The following RDH12 variants were observed in gnomAD, a reference collection of about 807,000 sequenced individuals.
RDH12 encodes retinol dehydrogenase 12.
Under a neutral mutation model 34.0 loss-of-function variants are expected in RDH12, and 21 were observed. The ratio of observed to expected loss-of-function variants is 0.62; its 90% CI spans 0.44 to 0.89. The LOEUF (loss-of-function observed/expected upper bound fraction) is 0.89. Among genes scored for constraint, RDH12 ranks in the 40% least tolerant of loss-of-function variants. The probability of loss-of-function intolerance (pLI) is 0.00; values close to 1 mark genes in which losing one functional copy is unlikely to be tolerated. For missense variants in RDH12, 394 were observed against 398.6 expected, an observed-to-expected ratio of 0.99 and a Z score of 0.10; for synonymous variants, 198 against 169.9, an observed-to-expected ratio of 1.17 and a Z score of -1.29.
chr14:67,724,331 G>T (rs1353600573), intron 3 of RDH12, 142 bp from the exon 4 acceptor site: 12 of 722,428 alleles, frequency 1.7e-5, no homozygotes, highest in African/African-American at 3.6e-5. Context: ...TCCTATGAAG[G>T]TTAGCTTTTA....
intron 3 of RDH12, 116 bp downstream of exon 3, chr14:67,722,826 C>T (rs2038140848): frequency 3.4e-6 from 3 of 877,024 alleles, no homozygotes; most frequent in Non-Finnish European, 3.9e-6. Flanking sequence ...AAAGTCAGGG[C>T]AGGAAAAGCA....
In RDH12 at chr14:67,727,492, T is replaced by G. The variant is rs118096148; in HGVS notation, c.658+302T>G. The G allele has an allele frequency of 3.2e-3, 1,137 of 357,034 alleles. 10 individuals carry two copies. Among genetic ancestry groups the G allele is most frequent in the East Asian group, 0.019 (265 of 13,720 alleles). The allele number at this position is 357,034 out of a possible 1,614,324, so 22.1% of individuals were successfully genotyped here. ...AGGCTTTTTGTTTTTTTTGTTTTTT[T>G]TTTTTTGAGACTTGAGTTTCGCTCT... On this transcript the variant is annotated intron_variant, in intron 7 of 8. Coordinates refer to ENST00000551171, the MANE Select transcript of RDH12 (RefSeq NM_152443.3).
chr14:67,728,664 T>C (rs1278803802), intron 7 of RDH12, among the ~76,000 whole-genome samples: 1 of 149,642 alleles, frequency 6.7e-6, no homozygotes, highest in Non-Finnish European at 1.5e-5. Flanking sequence ...TGGCACATAA[T>C]TGGTACTGAA....
chr14:67,712,493 CAAAA>C (rs79758974), intron 1 of RDH12, among the ~76,000 whole-genome samples: 6 of 38,948 alleles, frequency 1.5e-4, no homozygotes, highest in African/African-American at 2.1e-4. Context: ...AAAAAACTTG[CAAAA>C]AAAAAAAAAA....
intron 8 of RDH12, among the ~76,000 whole-genome samples, chr14:67,730,267 A>T (rs1241484644): frequency 6.6e-6 from 1 of 152,156 alleles, no homozygotes; most frequent in Non-Finnish European, 1.5e-5. Flanking sequence ...CGCCCTGGCA[A>T]TCTGGCTCTA....
rs2038163144 is a variant in RDH12, at chr14:67,724,536, C to CA, written c.133dup (p.Thr45AsnfsTer17). Reference sequence around the variant, plus strand: ...AGCTTCCTGGCAAGGTAGTGGTGATCACTGGCGCCAACACGGGCATTGGCA... The same window carrying CA: ...AGCTTCCTGGCAAGGTAGTGGTGATCAACTGGCGCCAACACGGGCATTGGCA... On this transcript the variant is annotated frameshift_variant, in exon 4 of 9. Transcript: ENST00000551171. LOFTEE classifies it high-confidence loss of function. 1.2e-6 allele frequency: 2 copies of CA among 1,613,670 alleles called. No homozygotes were observed. Among genetic ancestry groups the CA allele is most frequent in the Non-Finnish European group, 1.7e-6 (2 of 1,179,892 alleles).
chr14:67,712,267 C>A (rs1245951517), intron 1 of RDH12, among the ~76,000 whole-genome samples: 1 of 152,118 alleles, frequency 6.6e-6, no homozygotes, highest in East Asian at 1.9e-4. Context: ...GGGAGGAGCC[C>A]ACACTGAATC....
At chr14:67,732,710 G>T (rs1253642528) in intron 8 of RDH12, among the ~76,000 whole-genome samples, 1 of 152,092 alleles carries the variant, frequency 6.6e-6, no homozygotes, top group Non-Finnish European at 1.5e-5. Flanking sequence ...CCAAGTAGCT[G>T]GGATTACGGG....
chr14:67,710,173 T>C (rs1027530590), intron 1 of RDH12, among the ~76,000 whole-genome samples: 2 of 152,220 alleles, frequency 1.3e-5, no homozygotes, highest in Non-Finnish European at 2.9e-5. Context: ...AGCTGTTCCC[T>C]GACCACTTTG....
At chr14:67,731,163 CAT>C (rs370734423) in intron 8 of RDH12, among the ~76,000 whole-genome samples, 3 of 149,798 alleles carry the variant, frequency 2.0e-5, no homozygotes, top group Admixed American at 6.6e-5. Flanking sequence ...TTCAAAATGA[CAT>C]ATGTGGCTCA....
At position 67,722,430 on chromosome 14, in the gene RDH12, A is replaced by C. The variant is rs893582679; in HGVS notation, c.-213A>C. The C allele has an allele frequency of 1.6e-6, 1 of 629,926 alleles. No individual in the cohort carries two copies. Among genetic ancestry groups the C allele is most frequent in the African/African-American group, 1.8e-5 (1 of 54,848 alleles). 39.0% of individuals were successfully genotyped at this position (629,926 alleles called of 1,614,324 possible). On this transcript the variant is annotated 5_prime_UTR_variant, in exon 3 of 9. Coordinates refer to ENST00000551171, the MANE Select transcript of RDH12 (RefSeq NM_152443.3). Reference sequence around the variant, plus strand: ...TCCATCCCCTCCCCACCAGGACTACATCTCCCAGCAGGCTGTGCTCTGACA... The same window carrying C: ...TCCATCCCCTCCCCACCAGGACTACCTCTCCCAGCAGGCTGTGCTCTGACA...
rs1162118092 is a variant in RDH12, at chr14:67,727,001, C to A, written c.469C>A (p.Leu157Met). ...CACAGGCCACTTCCTCCTCACCTAC[C>A]TGCTCCTGGAGCGGCTAAAGGTGTC... The part of the protein sequence containing the change: ...NHLGHFLLTY[L>M]LLERLKVSAP... Residue 157 changes from leucine (L) to methionine (M), a missense_variant, in exon 7 of 9, where the codon CTG (leucine) becomes ATG (methionine). Coordinates refer to ENST00000551171, the MANE Select transcript of RDH12 (RefSeq NM_152443.3). 1 of 1,612,952 alleles carries A rather than the reference C, an allele frequency of 6.2e-7. No individual in the cohort carries two copies. The highest frequency in any genetic ancestry group is 1.7e-5 in the Admixed American group (1 of 60,018).
At chr14:67,731,956 T>C (rs542574103) in intron 8 of RDH12, among the ~76,000 whole-genome samples, 6 of 151,758 alleles carry the variant, frequency 4.0e-5, no homozygotes, top group African/African-American at 1.4e-4. Flanking sequence ...TGTAACCCCA[T>C]CTCTACTAAA....
chr14:67,719,174 C>A (rs1451214477), intron 1 of RDH12, among the ~76,000 whole-genome samples: 1 of 152,140 alleles, frequency 6.6e-6, no homozygotes, highest in Non-Finnish European at 1.5e-5. Context: ...TGGATGACAG[C>A]GTACAGGCTA....
intron 1 of RDH12, among the ~76,000 whole-genome samples, chr14:67,717,605 G>A (rs1375746062): frequency 6.6e-6 from 1 of 152,190 alleles, no homozygotes; most frequent in Non-Finnish European, 1.5e-5. Flanking sequence ...CCCAAACGGG[G>A]GTGATTTTGC....
At chr14:67,722,825 G>A (rs1325981910) in intron 3 of RDH12, 115 bp downstream of exon 3, 4 of 876,840 alleles carry the variant, frequency 4.6e-6, no homozygotes, top group South Asian at 1.3e-5. Context: ...GAAAGTCAGG[G>A]CAGGAAAAGC....
chr14:67,704,121 A>C (rs1050049932), intron 1 of RDH12, among the ~76,000 whole-genome samples: 1 of 152,134 alleles, frequency 6.6e-6, no homozygotes, highest in Non-Finnish European at 1.5e-5. Flanking sequence ...TTTTAAATTT[A>C]AATATATTTC....
At chr14:67,727,598 T>G (rs2038206304) in intron 7 of RDH12, 4 of 265,118 alleles carry the variant, frequency 1.5e-5, no homozygotes, top group Non-Finnish European at 2.2e-5. Context: ...TTCTCCTGCA[T>G]CAGCCTCTTG....
rs2140143772 is a variant in RDH12, at chr14:67,726,121, T to C, written c.414T>C (p.Asp138=). The change falls in exon 6 of 9, where the codon GAT becomes GAC. Residue 138 remains aspartate, a synonymous_variant. Coordinates refer to ENST00000551171, the MANE Select transcript of RDH12 (RefSeq NM_152443.3). ...VMMCPYSKTA[D]GFETHLGVNH... ...TGTGTCCATATTCCAAGACAGCTGA[T>C]GGCTTTGAAACCCACCTGGGAGTCA... The C allele has an allele frequency of 2.5e-6, 4 of 1,613,942 alleles. No individual in the cohort carries two copies. The highest frequency in any genetic ancestry group is 1.7e-6 in the Non-Finnish European group (2 of 1,179,788).
Sources: allele counts gnomAD v4.1 joint callset (sites outside exome capture counted in the v4.1 genomes callset), GRCh38; gene constraint gnomAD v4.1.1; transcripts MANE v1.5; gene names NCBI Gene and HGNC (gene_info 2026-07-23, HGNC 2026-07-21).